Variants in MRPL13 observed in about 807,000 individuals in gnomAD.
MRPL13 encodes the protein mitochondrial ribosomal protein L13, also known as large ribosomal subunit protein uL13m.
MRPL13 carries 33 observed loss-of-function variants against 29.0 expected under a neutral mutation model. That is an observed-to-expected ratio of 1.14 (90% confidence interval 0.86 to 1.52). MRPL13 has a LOEUF of 1.52. Ranked by LOEUF, MRPL13 falls within the 40% of genes most tolerant of loss-of-function variation. MRPL13 has a pLI of 0.00. For missense variants in MRPL13, 227 were observed against 216.7 expected (o/e 1.05, Z -0.30); for synonymous variants, 77 against 68.4 (o/e 1.13, Z -0.62).
At chr8:120,418,517 T>C (rs540252937) in intron 5 of MRPL13, among the ~76,000 whole-genome samples, 1 of 152,220 alleles carries the variant, frequency 6.6e-6, no homozygotes, top group African/African-American at 2.4e-5. Context: ...CCCCATCGGC[T>C]TGATAAAATG....
chr8:120,410,653 ATTCAGTTCC>A (rs1812728999), intron 6 of MRPL13, among the ~76,000 whole-genome samples: 1 of 152,234 alleles, frequency 6.6e-6, no homozygotes. Context: ...CAAATAAAAA[ATTCAGTTCC>A]TTAGTCACAT....
intron 3 of MRPL13, among the ~76,000 whole-genome samples, chr8:120,429,119 G>A (rs1345292011): frequency 6.6e-6 from 1 of 152,048 alleles, no homozygotes; most frequent in Non-Finnish European, 1.5e-5. Flanking sequence ...AGGTAGATTG[G>A]ATAAAGAAAA....
chr8:120,443,214 C>T lies in MRPL13; in HGVS notation c.122G>A (p.Gly41Glu). ...LAAMASIRLQ[G>E]LHKPVYHALS... is the part of the protein sequence containing the mutation. ...TGCATGGTACACAGGTTTATGTAAT[C>T]CCTGAAGTCTTATAGATGCCATAGC... The change falls in exon 2 of 7, where the codon GGA becomes GAA. Residue 41 changes from glycine (G) to glutamate (E), a missense_variant. Physicochemically the swap from Gly to Glu is moderately conservative, Grantham distance 98 (BLOSUM62 -2). Transcript: ENST00000306185. 1 of 1,608,008 alleles carries T rather than the reference C, an allele frequency of 6.2e-7. No individual in the cohort carries two copies. Among genetic ancestry groups the T allele is most frequent in the Non-Finnish European group, 8.5e-7 (1 of 1,177,046 alleles).
chr8:120,415,820 T>C (rs1039766886), intron 5 of MRPL13: 8 of 152,304 alleles, frequency 5.3e-5, no homozygotes, highest in African/African-American at 1.9e-4. Flanking sequence ...TTTTTACTTA[T>C]TGAAGGCGCC....
At chr8:120,396,240 CA>C (rs1266767010) in intron 6 of MRPL13, 115 bp from the exon 7 acceptor site, 2 of 745,008 alleles carry the variant, frequency 2.7e-6, no homozygotes, top group Non-Finnish European at 4.4e-6. Flanking sequence ...GAAATAGCTA[CA>C]AACACTATAT....
intron 5 of MRPL13, among the ~76,000 whole-genome samples, chr8:120,416,695 C>T (rs1462796308): frequency 6.6e-6 from 1 of 152,092 alleles, no homozygotes; most frequent in South Asian, 2.1e-4. Context: ...TAATCTTTAC[C>T]TAAGTTCCCC....
intron 5 of MRPL13, among the ~76,000 whole-genome samples, chr8:120,417,343 TAATA>T (rs1283370014): frequency 6.6e-6 from 1 of 152,172 alleles, no homozygotes; most frequent in Admixed American, 6.5e-5. Context: ...CCTTTACAAA[TAATA>T]AATACTCTGT....
chr8:120,428,348 A>G (rs1812956756), intron 3 of MRPL13, among the ~76,000 whole-genome samples: 1 of 152,176 alleles, frequency 6.6e-6, no homozygotes, highest in Non-Finnish European at 1.5e-5. Flanking sequence ...TTAACTCAGG[A>G]TGGATTCCAG....
chr8:120,420,363 C>T (rs1812855137), intron 4 of MRPL13, among the ~76,000 whole-genome samples: 1 of 150,604 alleles, frequency 6.6e-6, no homozygotes, highest in Admixed American at 6.6e-5. Context: ...CATGCAAAAG[C>T]TAATGGGTTA....
intron 4 of MRPL13, among the ~76,000 whole-genome samples, chr8:120,424,430 T>G (rs1296016770): frequency 1.3e-5 from 2 of 152,166 alleles, no homozygotes; most frequent in African/African-American, 2.4e-5. Context: ...GAGTCCAGCC[T>G]GGGCAACATA....
chr8:120,427,256 A>C (rs1301632321), intron 3 of MRPL13, among the ~76,000 whole-genome samples: 1 of 152,192 alleles, frequency 6.6e-6, no homozygotes, highest in Non-Finnish European at 1.5e-5. Flanking sequence ...AAAAGACAAC[A>C]GCCTTATTTT....
intron 6 of MRPL13, among the ~76,000 whole-genome samples, chr8:120,406,058 G>T (rs1812664092): frequency 6.6e-6 from 1 of 152,092 alleles, no homozygotes; most frequent in Admixed American, 6.6e-5. Flanking sequence ...GTTATATAAG[G>T]TTAATATATT....
chr8:120,405,382 A>C (rs1812654695), intron 6 of MRPL13, among the ~76,000 whole-genome samples: 1 of 152,252 alleles, frequency 6.6e-6, no homozygotes, highest in South Asian at 2.1e-4. Flanking sequence ...CTCAAACTTC[A>C]GCAGGCATAC....
chr8:120,418,877 C>G (rs1015120697), intron 5 of MRPL13, among the ~76,000 whole-genome samples: 6 of 151,958 alleles, frequency 3.9e-5, no homozygotes, highest in Non-Finnish European at 8.8e-5. Flanking sequence ...GACAATAAAT[C>G]AATCATTTTG....
At chr8:120,434,466 A>G (rs1813030623) in intron 2 of MRPL13, among the ~76,000 whole-genome samples, 1 of 152,140 alleles carries the variant, frequency 6.6e-6, no homozygotes, top group Admixed American at 6.6e-5. Flanking sequence ...CTAAAATTAT[A>G]TGGCTAATAA....
intron 4 of MRPL13, among the ~76,000 whole-genome samples, chr8:120,423,139 T>C (rs1812892462): frequency 6.6e-6 from 1 of 151,446 alleles, no homozygotes. Flanking sequence ...AAAATGATAA[T>C]TGAAATTAGC....
chr8:120,438,630 A>G (rs945291703), intron 2 of MRPL13, among the ~76,000 whole-genome samples: 2 of 152,214 alleles, frequency 1.3e-5, no homozygotes, highest in African/African-American at 4.8e-5. Flanking sequence ...AAGAGATCTC[A>G]TTTATTATCT....
chr8:120,414,191 TA>T (rs147159772), intron 5 of MRPL13, 79 bp from the exon 6 acceptor site: 7 of 800,772 alleles, frequency 8.7e-6, no homozygotes, highest in Admixed American at 4.5e-5. Context: ...TCATAAGTGT[TA>T]AAAAAATAAG....
intron 6 of MRPL13, among the ~76,000 whole-genome samples, chr8:120,405,175 C>T (rs1263192715): frequency 6.6e-6 from 1 of 152,182 alleles, no homozygotes; most frequent in Non-Finnish European, 1.5e-5. Flanking sequence ...ATTAATGATA[C>T]ACATTTTTCA....
Sources: gnomAD v4.1 joint callset for allele counts (sites outside exome capture counted in the v4.1 genomes callset) on GRCh38, gnomAD v4.1.1 for gene constraint, MANE v1.5 for transcripts, NCBI Gene and HGNC (gene_info 2026-07-23, HGNC 2026-07-21) for gene names.